HERC2: variants seen among roughly 807,000 people sequenced by gnomAD.
HERC2 encodes E3 ubiquitin-protein ligase HERC2.
In HERC2, 102 loss-of-function variants were observed where a neutral mutation model predicts 537.7. That is an observed-to-expected ratio of 0.19 (90% CI 0.16 to 0.22). The LOEUF is 0.22. Ranked by LOEUF, HERC2 falls within the 10% of genes least tolerant of loss-of-function variation. HERC2 has a pLI of 1.00. For synonymous variants in HERC2, 2,224 were observed against 2,466.2 expected (o/e 0.90, Z 2.91); for missense variants, 4,236 against 6,198.2 (o/e 0.68, Z 10.63).
chr15:28,219,093 AAAC>A (rs1257630863), intron 37 of HERC2, among the ~76,000 whole-genome samples: 2 of 152,250 alleles, frequency 1.3e-5, no homozygotes, highest in African/African-American at 4.8e-5. Context: ...ATAATTCTCG[AAAC>A]AACATTAGCA....
At chr15:28,157,800 T>C (rs1249533905) in intron 69 of HERC2, among the ~76,000 whole-genome samples, 1 of 152,228 alleles carries the variant, frequency 6.6e-6, no homozygotes, top group Admixed American at 6.5e-5. Flanking sequence ...ATGTGTTTGC[T>C]CTTGCTTCTC....
chr15:28,126,859 GAAATAA>G (rs1450153181), intron 83 of HERC2, among the ~76,000 whole-genome samples: 1 of 152,110 alleles, frequency 6.6e-6, no homozygotes, highest in Admixed American at 6.6e-5. Context: ...AAAACTTGTT[GAAATAA>G]AAATAAATTT....
intron 2 of HERC2, among the ~76,000 whole-genome samples, chr15:28,300,823 C>CAAAAAA (rs57696757): frequency 3.0e-4 from 4 of 13,156 alleles, no homozygotes; most frequent in Non-Finnish European, 4.9e-4. Flanking sequence ...GACTCCATCT[C>CAAAAAA]AAAAAAAAAA....
At chr15:28,198,815 G>C in intron 48 of HERC2, 46 bp from the exon 49 acceptor site, 2 of 1,508,426 alleles carry the variant, frequency 1.3e-6, no homozygotes, top group Non-Finnish European at 1.8e-6. Flanking sequence ...ATGTACACAG[G>C]TGAAATGAGC....
chr15:28,170,459 G>A (rs1455655540), intron 65 of HERC2, among the ~76,000 whole-genome samples: 2 of 152,198 alleles, frequency 1.3e-5, no homozygotes, highest in African/African-American at 2.4e-5. Flanking sequence ...CTGGACGTCT[G>A]TGGGCAAAAA....
At position 28,144,585 on chromosome 15, in the gene HERC2, T is replaced by C; in HGVS notation, c.11140+88A>G. ...CAGCAGAAGGCAGGCTGTCAGGCAC[T>C]ACGTGGACATGTGCACGTGTCCCTG... On this transcript the variant is annotated intron_variant, in intron 72 of 92. Transcript: ENST00000261609. 4 of 1,553,206 alleles carry C rather than the reference T, an allele frequency of 2.6e-6. No homozygotes were observed. In the Admixed American group the frequency reaches 5.1e-5, roughly 20 times the overall value.
intron 70 of HERC2, among the ~76,000 whole-genome samples, chr15:28,151,573 A>G (rs1425207198): frequency 6.6e-6 from 1 of 152,188 alleles, no homozygotes; most frequent in Non-Finnish European, 1.5e-5. Flanking sequence ...CCAGGTGAAG[A>G]GTGGCAACCT....
chr15:28,278,412 T>C (rs1014042781), intron 5 of HERC2, among the ~76,000 whole-genome samples: 3 of 152,210 alleles, frequency 2.0e-5, no homozygotes, highest in Admixed American at 6.5e-5. Flanking sequence ...TCTAGATTAC[T>C]ATAACACCCA....
At chr15:28,239,308 CTAAAAA>C in intron 23 of HERC2, among the ~76,000 whole-genome samples, 1 of 151,942 alleles carries the variant, frequency 6.6e-6, no homozygotes, top group South Asian at 2.1e-4. Flanking sequence ...AGGGAAAAAG[CTAAAAA>C]AGAAAAACAC....
Position 28,229,180 on chromosome 15 carries a change from C to T in HERC2, c.5272+15G>A, listed in dbSNP as rs757293165. ...GGCAAACTATAAAATAACATTGATA[C>T]AATTATTGACTCACCAAGCTCTTTA... On this transcript the variant is annotated intron_variant, in intron 34 of 92. Transcript: ENST00000261609. 6.2e-7 allele frequency: 1 copy of T among 1,603,642 alleles called. No individual in the cohort carries two copies. Among genetic ancestry groups the T allele is most frequent in the East Asian group, 2.2e-5 (1 of 44,828 alleles).
At position 28,301,686 on chromosome 15, in the gene HERC2, C is replaced by CTT. The variant is rs1286945410; in HGVS notation, c.73-2172_73-2171dup. On this transcript the variant is annotated intron_variant, in intron 2 of 92. Transcript: ENST00000261609. ...AAAAGAGACACAGATGTTTGCCCATCTTTTTTTTTTTTTAAACTTCTGTGG... is the reference window on the plus strand; with the variant it reads ...AAAAGAGACACAGATGTTTGCCCATCTTTTTTTTTTTTTTTAAACTTCTGTGG... 8.0e-5 allele frequency among the ~76,000 whole-genome samples: 7 copies of CTT among 87,000 alleles called. 1 individual carries two copies. Among genetic ancestry groups the CTT allele is most frequent in the African/African-American group, 3.0e-4 (7 of 23,114 alleles). 57.1% of individuals were successfully genotyped at this position (87,000 alleles called of 152,430 possible). A position where few individuals can be genotyped will look rare whatever the true frequency, so the allele number is the denominator to read the frequency against.
intron 2 of HERC2, among the ~76,000 whole-genome samples, chr15:28,305,747 C>T (rs546740576): frequency 7.1e-6 from 1 of 141,244 alleles, no homozygotes; most frequent in Admixed American, 7.4e-5. Flanking sequence ...AGGCAACCTA[C>T]AACATGGGAG....
intron 34 of HERC2, 58 bp from the exon 35 acceptor site, chr15:28,228,467 C>T (rs1172804693): frequency 4.0e-6 from 6 of 1,510,890 alleles, no homozygotes; most frequent in East Asian, 2.3e-5. Context: ...ATAAACGTAA[C>T]GCAGAAAGCA....
At chr15:28,276,842 G>GA (rs1361675368) in intron 5 of HERC2, among the ~76,000 whole-genome samples, 1 of 152,118 alleles carries the variant, frequency 6.6e-6, no homozygotes, top group Non-Finnish European at 1.5e-5. Context: ...TGTGCTGAGT[G>GA]AAAAAAGTCA....
At chr15:28,174,160 G>A (rs1387633958) in intron 65 of HERC2, among the ~76,000 whole-genome samples, 3 of 152,296 alleles carry the variant, frequency 2.0e-5, no homozygotes, top group East Asian at 1.9e-4. Context: ...GAAGGACAGC[G>A]CTGTGAGTTT....
intron 3 of HERC2, among the ~76,000 whole-genome samples, chr15:28,294,800 C>T (rs1207870186): frequency 6.6e-6 from 1 of 152,010 alleles, no homozygotes; most frequent in African/African-American, 2.4e-5. Context: ...GGGCTGTGAG[C>T]ATGCGTGACT....
rs755644997 is a variant in HERC2 at position 28,176,400 on chromosome 15, C to G, written c.9686+28G>C. ...CTGCACACACCTGCACAAGCACACA[C>G]AGTGTGACAGGGAGGACGTTTACGT... On this transcript the variant is annotated intron_variant, in intron 63 of 92. Transcript: ENST00000261609. The surrounding 1 kb of genome is among the most constrained non-coding windows in gnomAD (Gnocchi z 5.0). 12 of 1,611,160 alleles carry G rather than the reference C, an allele frequency of 7.4e-6. No individual in the cohort carries two copies. In the South Asian group the frequency reaches 1.1e-4, roughly 15 times the overall value.
intron 2 of HERC2, among the ~76,000 whole-genome samples, chr15:28,312,371 C>T (rs1453345862): frequency 5.9e-5 from 9 of 152,250 alleles, no homozygotes; most frequent in East Asian, 1.9e-4. Flanking sequence ...TGGTGGCCCA[C>T]GCCGTAATCC....
Position 28,299,424 on chromosome 15 carries a change from G to A in HERC2, c.165C>T (p.Asn55=), listed in dbSNP as rs141325407. The change falls in exon 3 of 93, where the codon AAC becomes AAT. Residue 55 remains asparagine, a synonymous_variant. Coordinates refer to ENST00000261609, the MANE Select transcript of HERC2 (RefSeq NM_004667.6). ...IVYTGTESTQ[N]GELPPRKDDS... is the part of the protein sequence containing the mutation. The stretch of plus-strand genomic sequence containing the variant: ...TACCTTTTCTAGGAGGGAGCTCTCC[G>A]TTCTGGGTTGATTCTGTTCCAGTGT... 152 of 1,585,696 alleles carry A rather than the reference G, an allele frequency of 9.6e-5. No individual in the cohort carries two copies. Among genetic ancestry groups the A allele is most frequent in the Admixed American group, 3.5e-4 (21 of 59,746 alleles).
Sources: gnomAD v4.1 joint callset for allele counts (sites outside exome capture counted in the v4.1 genomes callset) on GRCh38, gnomAD v4.1.1 for gene constraint, Gnocchi (gnomAD v3.1) non-coding constraint, MANE v1.5 for transcripts, NCBI Gene and HGNC (gene_info 2026-07-23, HGNC 2026-07-21) for gene names.